AOAH: variants seen among roughly 807,000 people sequenced by gnomAD.
The protein encoded by AOAH is acyloxyacyl hydrolase (neutrophil).
AOAH carries 64 observed loss-of-function variants against 92.2 expected under a neutral mutation model. That is an observed-to-expected ratio of 0.69 (90% CI 0.57 to 0.86). The LOEUF (loss-of-function observed/expected upper bound fraction) is 0.86, where lower values mean the gene tolerates loss of function less well. Ranked by LOEUF, AOAH falls within the 40% of genes least tolerant of loss-of-function variation. AOAH has a pLI of 0.00. For missense variants in AOAH, 656 were observed against 694.6 expected, an observed-to-expected ratio of 0.94 and a Z score of 0.62; for synonymous variants, 263 against 254.5, an observed-to-expected ratio of 1.03 and a Z score of -0.32.
intron 11 of AOAH, among the ~76,000 whole-genome samples, chr7:36,597,181 C>G (rs1191252509): frequency 6.6e-6 from 1 of 152,182 alleles, no homozygotes; most frequent in East Asian, 1.9e-4. Flanking sequence ...TCTTTAAAAA[C>G]CAGAAACAAC....
At chr7:36,571,184 C>T (rs1031841786) in intron 13 of AOAH, among the ~76,000 whole-genome samples, 1 of 152,158 alleles carries the variant, frequency 6.6e-6, no homozygotes, top group African/African-American at 2.4e-5. Flanking sequence ...GCCCAGGTCT[C>T]AAAGAGTGAA....
In AOAH at chr7:36,658,139, G is replaced by A. The variant is rs1233157064; in HGVS notation, c.390+1027C>T. Among the ~76,000 whole-genome samples the A allele has an allele frequency of 4.6e-5, 7 of 152,044 alleles. 1 individual carries two copies. In the South Asian group the frequency reaches 8.3e-4, roughly 18 times the overall value. ...GGTGGAATTAGGGGAAATTTAATTC[G>A]CACTTAGTCAGTGACAGAGGAAGCT... On this transcript the variant is annotated intron_variant, in intron 4 of 20. Coordinates refer to ENST00000617537, the MANE Select transcript of AOAH (RefSeq NM_001637.4).
At chr7:36,571,559 G>A (rs1788150375) in intron 13 of AOAH, among the ~76,000 whole-genome samples, 1 of 152,186 alleles carries the variant, frequency 6.6e-6, no homozygotes, top group Non-Finnish European at 1.5e-5. Context: ...CCACTCCCCA[G>A]GCTACAGCCA....
intron 13 of AOAH, among the ~76,000 whole-genome samples, chr7:36,553,687 T>C (rs1786462295): frequency 6.6e-6 from 1 of 152,034 alleles, no homozygotes; most frequent in African/African-American, 2.4e-5. Flanking sequence ...TTCTAACTGG[T>C]GTGAGATGGT....
At chr7:36,640,939 A>G (rs1034392205) in intron 4 of AOAH, among the ~76,000 whole-genome samples, 1 of 152,158 alleles carries the variant, frequency 6.6e-6, no homozygotes, top group Non-Finnish European at 1.5e-5. Context: ...CAGAGATTCC[A>G]GGCTCGGAAT....
intron 1 of AOAH, among the ~76,000 whole-genome samples, chr7:36,708,897 A>C (rs928446803): frequency 1.1e-4 from 16 of 152,238 alleles, no homozygotes; most frequent in Middle Eastern, 3.4e-3. Context: ...ATGGCCTCTA[A>C]CTGTTCAAGT....
intron 20 of AOAH, among the ~76,000 whole-genome samples, chr7:36,518,847 T>C (rs1160089845): frequency 6.6e-6 from 1 of 152,194 alleles, no homozygotes; most frequent in African/African-American, 2.4e-5. Context: ...GGAATCATGC[T>C]GGGCCATCCT....
chr7:36,654,695 T>C lies in AOAH; in HGVS notation c.390+4471A>G, dbSNP rs1352616287. On this transcript the variant is annotated intron_variant, in intron 4 of 20. Transcript: ENST00000617537. ...TTATATTGTACTAGAGTCTGAAATG[T>C]GTGAAAAGCCAGACATAGAGCGTGC... 2.0e-5 allele frequency among the ~76,000 whole-genome samples: 3 copies of C among 152,178 alleles called. No homozygotes were observed. The East Asian group carries it at 5.8e-4, about 29-fold the overall frequency.
At chr7:36,632,398 C>T (rs56330845) in intron 5 of AOAH, among the ~76,000 whole-genome samples, 51 of 152,238 alleles carry the variant, frequency 3.4e-4, no homozygotes, top group African/African-American at 1.2e-3. Context: ...CAGGAGGGTC[C>T]GGCAACAGCA....
intron 1 of AOAH, among the ~76,000 whole-genome samples, chr7:36,717,676 A>G (rs1019007985): frequency 1.3e-5 from 2 of 149,940 alleles, no homozygotes; most frequent in Admixed American, 6.6e-5. Context: ...TTTTGATTCT[A>G]AAATTCACTC....
chr7:36,608,264 G>A (rs1028157927), intron 11 of AOAH, among the ~76,000 whole-genome samples: 4 of 152,182 alleles, frequency 2.6e-5, no homozygotes, highest in East Asian at 3.9e-4. Flanking sequence ...TACCTTCCCC[G>A]ACAGGGAAAG....
chr7:36,543,947 C>CTTTCTTTCTTTCTTTTT, intron 15 of AOAH, among the ~76,000 whole-genome samples: 1 of 91,010 alleles, frequency 1.1e-5, no homozygotes, highest in Admixed American at 1.6e-4. Flanking sequence ...TTCTTTCTTT[C>CTTTCTTTCTTTCTTTTT]TTTTTTTTTT....
chr7:36,525,939 A>C lies in AOAH; in HGVS notation c.1523-3824T>G, dbSNP rs537410389. Among the ~76,000 whole-genome samples, 5 of 152,326 alleles carry C rather than the reference A, an allele frequency of 3.3e-5. No individual in the cohort carries two copies. In the East Asian group the frequency reaches 9.6e-4, roughly 29 times the overall value. ...GGAAAACTCAGGAGAAAAAGCACAA[A>C]GAAAGAGGAGGGATATTTACTTGCC... On this transcript the variant is annotated intron_variant, in intron 19 of 20. Transcript: ENST00000617537.
rs553604173 is a variant in AOAH, at chr7:36,631,717, G to A, written c.521+319C>T. The stretch of plus-strand genomic sequence containing the variant: ...TGGTCCATAGTTCACATGCAGAGAG[G>A]GGCTGTTTCCAGGTGTAGTGCAGTG... On this transcript the variant is annotated intron_variant, in intron 6 of 20. Transcript: ENST00000617537. Among the ~76,000 whole-genome samples, 525 of 152,292 alleles carry A rather than the reference G, an allele frequency of 3.4e-3. 4 individuals carry two copies. The highest frequency in any genetic ancestry group is 0.012 in the African/African-American group (506 of 41,566).
chr7:36,711,913 G>A (rs1370804739), intron 1 of AOAH, among the ~76,000 whole-genome samples: 2 of 152,160 alleles, frequency 1.3e-5, no homozygotes, highest in African/African-American at 4.8e-5. Context: ...TCAGAGTGAC[G>A]GGTAAGTCCT....
intron 2 of AOAH, among the ~76,000 whole-genome samples, chr7:36,685,503 G>A (rs560691514): frequency 9.2e-5 from 14 of 152,148 alleles, no homozygotes; most frequent in Admixed American, 5.9e-4. Context: ...TTTGCTTTGC[G>A]TGGTTTTCTA....
At position 36,530,455 on chromosome 7, in the gene AOAH, G is replaced by A. The variant is rs61734081; in HGVS notation, c.1485C>T (p.Asn495=). ...KKIAASEKFT[N]FNLFYMDFAF... ...CAAAATCCATGTAGAAAAGATTGAA[G>A]TTTGTAAATTTCTCACTGGCTGCAA... The change falls in exon 19 of 21, where the codon AAC becomes AAT. Residue 495 remains asparagine (N), a synonymous_variant. Transcript: ENST00000617537. 72 of 1,613,826 alleles carry A rather than the reference G, an allele frequency of 4.5e-5. No homozygotes were observed. In the African/African-American group the frequency reaches 8.7e-4, roughly 19 times the overall value.
At chr7:36,625,958 A>G (rs1316066271) in intron 6 of AOAH, among the ~76,000 whole-genome samples, 1 of 152,232 alleles carries the variant, frequency 6.6e-6, no homozygotes, top group African/African-American at 2.4e-5. Context: ...CTGTCAAGAA[A>G]TGCGGAAAAA....
chr7:36,522,196 G>T (rs1017203479), intron 19 of AOAH, 81 bp from the exon 20 acceptor site: 5 of 1,338,010 alleles, frequency 3.7e-6, no homozygotes, highest in Non-Finnish European at 5.3e-6. Flanking sequence ...CGTGAGAACT[G>T]CCCATGCCCT....
Sources: allele counts gnomAD v4.1 joint callset (sites outside exome capture counted in the v4.1 genomes callset), GRCh38; gene constraint gnomAD v4.1.1; transcripts MANE v1.5; gene names NCBI Gene and HGNC (gene_info 2026-07-23, HGNC 2026-07-21).